WDR59: variants seen among roughly 807,000 people sequenced by gnomAD.
WDR59 encodes the protein GATOR2 complex protein WDR59.
A neutral mutation model predicts 131.2 loss-of-function variants in WDR59; 100 were observed. The observed-to-expected ratio is 0.76, with a 90% confidence interval of 0.65 to 0.90. The LOEUF is 0.90. WDR59 is among the 40% of genes least tolerant of loss of function. WDR59 has a pLI of 0.00. For synonymous variants in WDR59, 601 were observed against 466.2 expected, an observed-to-expected ratio of 1.29 and a Z score of -3.72; for missense variants, 1,203 against 1,262.2, an observed-to-expected ratio of 0.95 and a Z score of 0.71.
At chr16:74,881,477 C>T (rs1226391061) in intron 25 of WDR59, among the ~76,000 whole-genome samples, 4 of 151,922 alleles carry the variant, frequency 2.6e-5, no homozygotes, top group Non-Finnish European at 5.9e-5. Context: ...CAGGTGTGTG[C>T]AGCTGCACCT....
intron 1 of WDR59, among the ~76,000 whole-genome samples, chr16:74,968,686 C>T (rs1407350066): frequency 8.5e-5 from 13 of 152,228 alleles, no homozygotes; most frequent in African/African-American, 2.4e-4. Flanking sequence ...GATCTTGCCA[C>T]TGCACTCCAG....
chr16:74,892,489 C>T lies in WDR59; in HGVS notation c.2077G>A (p.Val693Ile). 1.2e-6 allele frequency: 2 copies of T among 1,613,698 alleles called. No individual in the cohort carries two copies. Among genetic ancestry groups the T allele is most frequent in the African/African-American group, 1.3e-5 (1 of 75,056 alleles). ...SALLVGRKDL[V>I]QVWSLATVAT... is the part of the protein sequence containing the mutation. ...CCAAAAGGGATGGACAATACCTGGA[C>T]AAGATCCTTTCTTCCAACGAGCAAG... is the stretch of plus-strand genomic sequence containing the variant. Residue 693 changes from valine (V) to isoleucine (I), a missense_variant, in exon 20 of 26, where the codon GTC (valine) becomes ATC (isoleucine). By Grantham distance (29) the Val-to-Ile change is conservative (BLOSUM62 3). Coordinates refer to ENST00000262144, the MANE Select transcript of WDR59 (RefSeq NM_030581.4).
rs1254429315 is a variant in WDR59 at position 74,923,955 on chromosome 16, G to C, written c.700C>G (p.Gln234Glu). Reference sequence around the variant, plus strand: ...TATCTGGCCTTCCAGACAGGCACCTGGCAAGGAAGAATATTGAGGTATTTC... The same window carrying C: ...TATCTGGCCTTCCAGACAGGCACCTCGCAAGGAAGAATATTGAGGTATTTC... ...PRKYLNILPCQVPVWKARYTP... is the reference protein window; with the variant it reads ...PRKYLNILPCEVPVWKARYTP... The change falls in exon 9 of 26, where the codon CAG (glutamine) becomes GAG (glutamate). Residue 234 changes from glutamine to glutamate, a missense_variant. Physicochemically the swap from Gln to Glu is conservative, Grantham distance 29 (BLOSUM62 2). Coordinates refer to ENST00000262144, the MANE Select transcript of WDR59 (RefSeq NM_030581.4). 6.2e-7 allele frequency: 1 copy of C among 1,613,726 alleles called. No individual in the cohort carries two copies. The highest frequency in any genetic ancestry group is 8.5e-7 in the Non-Finnish European group (1 of 1,179,970).
Position 74,917,922 on chromosome 16 carries a change from T to C in WDR59, c.966+7A>G, listed in dbSNP as rs753810471. The C allele has an allele frequency of 1.9e-6, 3 of 1,610,144 alleles. No homozygotes were observed. Among genetic ancestry groups the C allele is most frequent in the Non-Finnish European group, 2.5e-6 (3 of 1,177,302 alleles). ...TACATTTCTCCACAATAGCACTGCA[T>C]ACATACCCTCTGCATCTGGGAATCC... is the stretch of plus-strand genomic sequence containing the variant. On this transcript the variant is annotated splice_region_variant and intron_variant, in intron 11 of 25. Transcript: ENST00000262144.
intron 1 of WDR59, among the ~76,000 whole-genome samples, chr16:74,976,264 TC>T (rs2034176152): frequency 6.6e-6 from 1 of 152,090 alleles, no homozygotes; most frequent in Non-Finnish European, 1.5e-5. Context: ...CAGTCCTCAA[TC>T]TTTATCTTTG....
chr16:74,922,995 C>T (rs1335729878), intron 9 of WDR59, among the ~76,000 whole-genome samples: 2 of 152,146 alleles, frequency 1.3e-5, no homozygotes, highest in African/African-American at 4.8e-5. Flanking sequence ...ATCTCTCACC[C>T]GTGTGGCAAT....
At chr16:74,978,189 G>A (rs1157433368) in intron 1 of WDR59, among the ~76,000 whole-genome samples, 1 of 152,168 alleles carries the variant, frequency 6.6e-6, no homozygotes, top group African/African-American at 2.4e-5. Context: ...CAGGCGTGGT[G>A]ATGGGCTCCT....
chr16:74,958,420 T>C (rs962544161), intron 2 of WDR59, among the ~76,000 whole-genome samples: 1 of 150,254 alleles, frequency 6.7e-6, no homozygotes, highest in African/African-American at 2.4e-5. Flanking sequence ...TGAAACCCTG[T>C]CTCTACTAAA....
rs1055533780 is a variant in WDR59, at chr16:74,890,027, G to A, written c.2083-212C>T. On this transcript the variant is annotated intron_variant, in intron 20 of 25. Coordinates refer to ENST00000262144, the MANE Select transcript of WDR59 (RefSeq NM_030581.4). Reference sequence around the variant, plus strand: ...TTAACCAACTCTTTAGGGGAGTTATGTGCACTCTAAAGTTTGAGAAACACT... The same window carrying A: ...TTAACCAACTCTTTAGGGGAGTTATATGCACTCTAAAGTTTGAGAAACACT... 5.9e-5 allele frequency among the ~76,000 whole-genome samples: 9 copies of A among 152,188 alleles called. No homozygotes were observed. The East Asian group carries it at 1.3e-3, about 23-fold the overall frequency.
At chr16:74,889,319 A>G (rs1964926618) in intron 21 of WDR59, among the ~76,000 whole-genome samples, 1 of 152,240 alleles carries the variant, frequency 6.6e-6, no homozygotes, top group African/African-American at 2.4e-5. Flanking sequence ...GGTCTTTGGC[A>G]AACATGAACA....
intron 1 of WDR59, among the ~76,000 whole-genome samples, chr16:74,978,623 C>A (rs932177699): frequency 6.6e-6 from 1 of 152,208 alleles, no homozygotes; most frequent in Non-Finnish European, 1.5e-5. Context: ...ATTGAGTACA[C>A]AGGGGGACCA....
At chr16:74,926,059 ATTTTT>A (rs35909183) in intron 8 of WDR59, among the ~76,000 whole-genome samples, 5 of 129,206 alleles carry the variant, frequency 3.9e-5, no homozygotes, top group African/African-American at 1.2e-4. Context: ...AGTCTAATAA[ATTTTT>A]TTTTTTTTTT....
Position 74,873,019 on chromosome 16 carries a change from C to T in WDR59, c.*1190G>A, listed in dbSNP as rs62052950. 53,539 of 151,992 alleles carry T rather than the reference C, an allele frequency of 0.35. 9,997 individuals carry two copies. The highest frequency in any genetic ancestry group is 0.47 in the Middle Eastern group (137 of 290). The allele number at this position is 151,992 out of a possible 1,614,324, so 9.4% of individuals were successfully genotyped here. A position where few individuals can be genotyped will look rare whatever the true frequency, so the allele number is the denominator to read the frequency against. The stretch of plus-strand genomic sequence containing the variant: ...CTGCTTCCCAAGTTCAAGCGATTCT[C>T]CTGTCTCAGCCTCCCCAGTACCTGG... On this transcript the variant is annotated 3_prime_UTR_variant, in exon 26 of 26. Coordinates refer to ENST00000262144, the MANE Select transcript of WDR59 (RefSeq NM_030581.4).
Position 74,985,099 on chromosome 16 carries a change from A to G in WDR59, c.-82T>C, listed in dbSNP as rs532097316. 7 of 1,375,126 alleles carry G rather than the reference A, an allele frequency of 5.1e-6. No homozygotes were observed. The African/African-American group carries it at 8.6e-5, about 17-fold the overall frequency. 85.2% of individuals were successfully genotyped at this position (1,375,126 alleles called of 1,614,324 possible). On this transcript the variant is annotated 5_prime_UTR_variant, in exon 1 of 26. Transcript: ENST00000262144. ...AGTATCCCGGGACCGTGCGCCCCAC[A>G]CAGCCAGAGAATCAGCCCCGACACG...
chr16:74,901,214 G>A (rs1965534775), intron 18 of WDR59, among the ~76,000 whole-genome samples: 1 of 151,844 alleles, frequency 6.6e-6, no homozygotes. Flanking sequence ...TTTGAGACCA[G>A]CCTGGGCAAC....
chr16:74,915,831 C>T lies in WDR59; in HGVS notation c.1224+39G>A, dbSNP rs1333774922. 3.7e-6 allele frequency: 6 copies of T among 1,612,638 alleles called. No homozygotes were observed. The Admixed American group carries it at 1.0e-4, about 27-fold the overall frequency. The stretch of plus-strand genomic sequence containing the variant: ...AATGGTTCCCTCTCCCACAAACTGC[C>T]ATCAGCAAACATGAGATACAGTTGA... On this transcript the variant is annotated intron_variant, in intron 13 of 25. Transcript: ENST00000262144.
At chr16:74,916,529 G>A (rs545185044) in intron 11 of WDR59, among the ~76,000 whole-genome samples, 4 of 152,110 alleles carry the variant, frequency 2.6e-5, no homozygotes, top group African/African-American at 7.2e-5. Flanking sequence ...TAAACTCCAA[G>A]CTTTGATGGA....
intron 6 of WDR59, among the ~76,000 whole-genome samples, chr16:74,944,145 C>G (rs748977294): frequency 6.6e-6 from 1 of 152,048 alleles, no homozygotes; most frequent in African/African-American, 2.4e-5. Flanking sequence ...TGGGAAGCCC[C>G]CTCAATGCAA....
At chr16:74,883,866 C>T (rs920784050) in intron 25 of WDR59, among the ~76,000 whole-genome samples, 13 of 152,202 alleles carry the variant, frequency 8.5e-5, no homozygotes, top group Non-Finnish European at 1.6e-4. Context: ...AGTTCTAGCC[C>T]CAATCTCTTC....
Sources: allele counts gnomAD v4.1 joint callset (sites outside exome capture counted in the v4.1 genomes callset), GRCh38; gene constraint gnomAD v4.1.1; transcripts MANE v1.5; gene names NCBI Gene and HGNC (gene_info 2026-07-23, HGNC 2026-07-21).